LRGUK: variants seen among roughly 807,000 people sequenced by gnomAD.
LRGUK encodes the protein leucine rich repeats and guanylate kinase domain containing.
LRGUK carries 65 observed loss-of-function variants against 76.0 expected under a neutral mutation model. The ratio of observed to expected loss-of-function variants is 0.85; its 90% CI spans 0.70 to 1.05. The LOEUF (loss-of-function observed/expected upper bound fraction) is 1.05. Among genes scored for constraint, LRGUK ranks in the 50% least tolerant of loss-of-function variants. LRGUK has a pLI of 0.00. For missense variants in LRGUK, 758 were observed against 732.8 expected (o/e 1.03, Z -0.40); for synonymous variants, 268 against 265.6 (o/e 1.01, Z -0.09).
chr7:134,172,480 A>G (rs1384159473), intron 7 of LRGUK, among the ~76,000 whole-genome samples: 3 of 152,188 alleles, frequency 2.0e-5, no homozygotes, highest in Non-Finnish European at 4.4e-5. Flanking sequence ...ATACAAGACG[A>G]TCTCTTTAGT....
chr7:134,216,509 A>G (rs925972545), intron 15 of LRGUK, among the ~76,000 whole-genome samples: 3 of 152,168 alleles, frequency 2.0e-5, no homozygotes, highest in Non-Finnish European at 4.4e-5. Context: ...CAATTCTGAG[A>G]TTATTATGAA....
intron 1 of LRGUK, among the ~76,000 whole-genome samples, chr7:134,128,675 G>A (rs1797139616): frequency 6.6e-6 from 1 of 152,142 alleles, no homozygotes; most frequent in Non-Finnish European, 1.5e-5. Flanking sequence ...TCAGCCTCCC[G>A]AGTAGCTGGG....
chr7:134,196,918 T>G (rs1371712588), intron 12 of LRGUK, 74 bp from the exon 13 acceptor site: 1 of 773,194 alleles, frequency 1.3e-6, no homozygotes, highest in African/African-American at 1.7e-5. Context: ...GAATAAGACA[T>G]CAAATGATTT....
chr7:134,145,415 T>G (rs947725397), intron 4 of LRGUK, among the ~76,000 whole-genome samples: 2 of 152,034 alleles, frequency 1.3e-5, no homozygotes, highest in South Asian at 4.1e-4. Flanking sequence ...ACCTGGCTAA[T>G]TTTGTACTTT....
chr7:134,268,346 T>C (rs1802898235), downstream of LRGUK, among the ~76,000 whole-genome samples: 1 of 152,154 alleles, frequency 6.6e-6, no homozygotes, highest in African/African-American at 2.4e-5. Flanking sequence ...CAAACAACTC[T>C]ACATATGTAA....
intron 19 of LRGUK, among the ~76,000 whole-genome samples, chr7:134,260,368 G>A (rs960275784): frequency 3.9e-5 from 6 of 152,124 alleles, no homozygotes; most frequent in African/African-American, 9.7e-5. Flanking sequence ...GATGCTTTCT[G>A]TAGATTCATT....
intron 6 of LRGUK, 141 bp downstream of exon 6, chr7:134,158,300 C>T (rs1798571060): frequency 1.5e-6 from 1 of 660,290 alleles, no homozygotes; most frequent in Non-Finnish European, 2.4e-6. Context: ...TTTGTTTGCT[C>T]CTTTCTTTAC....
At chr7:134,191,777 T>C (rs957541848) in intron 12 of LRGUK, 26 bp downstream of exon 12, 1 of 1,461,608 alleles carries the variant, frequency 6.8e-7, no homozygotes. Context: ...TTTGTTTTTA[T>C]TGCACAAGAA....
intron 10 of LRGUK, 57 bp from the exon 11 acceptor site, chr7:134,183,677 T>C: frequency 6.2e-7 from 1 of 1,604,950 alleles, no homozygotes; most frequent in Non-Finnish European, 8.5e-7. Flanking sequence ...ATGGATGTAG[T>C]TAATGTGCTG....
intron 4 of LRGUK, 62 bp downstream of exon 4, chr7:134,143,224 A>G: frequency 1.1e-6 from 1 of 879,414 alleles, no homozygotes; most frequent in South Asian, 1.4e-5. Context: ...TTAAATAAGC[A>G]AAATAGCACT....
chr7:134,219,743 T>C (rs1801530968), intron 15 of LRGUK, among the ~76,000 whole-genome samples: 1 of 152,150 alleles, frequency 6.6e-6, no homozygotes, highest in South Asian at 2.1e-4. Context: ...TCAGCCACAC[T>C]GAATTCTTTA....
At chr7:134,176,938 A>G (rs748379698) in intron 8 of LRGUK, 39 bp from the exon 9 acceptor site, 31 of 1,264,584 alleles carry the variant, frequency 2.5e-5, no homozygotes, top group Middle Eastern at 3.8e-4. Context: ...ATTTGGGAAA[A>G]GGAAGGCAAC....
chr7:134,237,423 C>A (rs181167511), intron 16 of LRGUK, among the ~76,000 whole-genome samples: 1 of 152,184 alleles, frequency 6.6e-6, no homozygotes, highest in African/African-American at 2.4e-5. Context: ...ATTAAATTAT[C>A]ATTTATGGTC....
chr7:134,261,667 G>T (rs74882744), intron 19 of LRGUK, among the ~76,000 whole-genome samples: 3,913 of 152,236 alleles, frequency 0.026, 112 homozygotes, highest in African/African-American at 0.066. Flanking sequence ...TAAGTGCCCT[G>T]TAGAAATCAA....
At chr7:134,229,846 A>G (rs1222335693) in intron 16 of LRGUK, among the ~76,000 whole-genome samples, 1 of 152,224 alleles carries the variant, frequency 6.6e-6, no homozygotes, top group Non-Finnish European at 1.5e-5. Flanking sequence ...TATAAATAGG[A>G]ACAAAATTAG....
At chr7:134,163,772 T>C (rs1798860197) in intron 7 of LRGUK, among the ~76,000 whole-genome samples, 1 of 152,220 alleles carries the variant, frequency 6.6e-6, no homozygotes, top group Admixed American at 6.5e-5. Context: ...GTTTTTAAGG[T>C]TTAAACTGCA....
chr7:134,158,371 A>G (rs1798573904), intron 6 of LRGUK, among the ~76,000 whole-genome samples: 1 of 152,182 alleles, frequency 6.6e-6, no homozygotes, highest in African/African-American at 2.4e-5. Flanking sequence ...TTCATGCTAA[A>G]GTAAAATGAT....
At chr7:134,214,760 A>G (rs1035956750), downstream of LRGUK, among the ~76,000 whole-genome samples, 1 of 140,934 alleles carries the variant, frequency 7.1e-6, no homozygotes, top group African/African-American at 2.7e-5. Flanking sequence ...AAAAAGTTAT[A>G]TAGAATTAAA....
intron 14 of LRGUK, among the ~76,000 whole-genome samples, chr7:134,200,327 G>A (rs528603765): frequency 3.0e-4 from 45 of 151,744 alleles, no homozygotes; most frequent in African/African-American, 7.3e-4. Context: ...GTGAGCCACC[G>A]CACCTGGCAA....
Sources: allele counts gnomAD v4.1 joint callset (sites outside exome capture counted in the v4.1 genomes callset), GRCh38; gene constraint gnomAD v4.1.1; transcripts MANE v1.5; gene names NCBI Gene and HGNC (gene_info 2026-07-23, HGNC 2026-07-21).